Variants in TCAIM observed in about 807,000 individuals in gnomAD.
TCAIM encodes the protein T cell activation inhibitor, mitochondrial.
TCAIM carries 36 observed loss-of-function variants against 58.6 expected under a neutral mutation model. The observed-to-expected ratio is 0.61, with a 90% confidence interval of 0.47 to 0.81. The LOEUF is 0.81. Ranked by LOEUF, TCAIM falls within the 30% of genes least tolerant of loss-of-function variation. TCAIM has a pLI of 0.00. For synonymous variants in TCAIM, 172 were observed against 193.6 expected (o/e 0.89, Z 0.93); for missense variants, 466 against 579.6 (o/e 0.80, Z 2.01).
intron 8 of TCAIM, among the ~76,000 whole-genome samples, chr3:44,398,654 C>T (rs1280774574): frequency 3.3e-5 from 5 of 152,116 alleles, no homozygotes; most frequent in Non-Finnish European, 7.3e-5. Flanking sequence ...TGGTTTCTTA[C>T]AAAACTAAAC....
chr3:44,352,969 T>C (rs1423786032), intron 1 of TCAIM, among the ~76,000 whole-genome samples: 1 of 150,432 alleles, frequency 6.6e-6, no homozygotes, highest in Non-Finnish European at 1.5e-5. Flanking sequence ...TTGCCCATAC[T>C]GGAGTGCAAA....
At chr3:44,354,893 T>C in intron 2 of TCAIM, 82 bp downstream of exon 2, 1 of 1,488,822 alleles carries the variant, frequency 6.7e-7, no homozygotes, top group Non-Finnish European at 9.1e-7. Context: ...AGTTTGTTAT[T>C]ATTTTTCCAA....
At chr3:44,371,635 C>T (rs532677303) in intron 5 of TCAIM, among the ~76,000 whole-genome samples, 1 of 152,258 alleles carries the variant, frequency 6.6e-6, no homozygotes, top group African/African-American at 2.4e-5. Context: ...TGAAAGGTTT[C>T]ATATCTCTTA....
chr3:44,400,678 G>A, intron 9 of TCAIM, 91 bp downstream of exon 9: 6 of 1,100,990 alleles, frequency 5.4e-6, no homozygotes, highest in South Asian at 1.4e-5. Flanking sequence ...ATTTCAATGG[G>A]TAGTTCTTAG....
At chr3:44,368,568 T>A in intron 5 of TCAIM, among the ~76,000 whole-genome samples, 1 of 152,238 alleles carries the variant, frequency 6.6e-6, no homozygotes, top group Non-Finnish European at 1.5e-5. Flanking sequence ...TACCTACGTG[T>A]GATAGTCTAT....
At chr3:44,391,633 G>T (rs973646049) in intron 5 of TCAIM, among the ~76,000 whole-genome samples, 1 of 152,192 alleles carries the variant, frequency 6.6e-6, no homozygotes, top group Non-Finnish European at 1.5e-5. Flanking sequence ...ATTTGGTTGG[G>T]TGGAAAGGAA....
At chr3:44,403,525 T>C (rs1702054209) in intron 10 of TCAIM, among the ~76,000 whole-genome samples, 1 of 152,210 alleles carries the variant, frequency 6.6e-6, no homozygotes, top group Admixed American at 6.5e-5. Flanking sequence ...TCAAGAGCAA[T>C]TCTAGCCAAC....
chr3:44,359,167 C>A, intron 3 of TCAIM: 2 of 819,220 alleles, frequency 2.4e-6, no homozygotes, highest in Non-Finnish European at 2.9e-6. Context: ...AGGAGGATTA[C>A]TTGAGCCCAG....
chr3:44,379,890 T>A (rs978066907), intron 5 of TCAIM, among the ~76,000 whole-genome samples: 1 of 151,830 alleles, frequency 6.6e-6, no homozygotes, highest in African/African-American at 2.4e-5. Context: ...AAATTATATC[T>A]AGGGAAGAGA....
intron 5 of TCAIM, among the ~76,000 whole-genome samples, chr3:44,369,171 C>G (rs1397656793): frequency 6.6e-6 from 1 of 152,178 alleles, no homozygotes; most frequent in African/African-American, 2.4e-5. Context: ...TCTCTGAGCA[C>G]AAACTGGAAG....
At chr3:44,384,930 G>C (rs953592317) in intron 5 of TCAIM, among the ~76,000 whole-genome samples, 3 of 152,178 alleles carry the variant, frequency 2.0e-5, no homozygotes, top group Non-Finnish European at 2.9e-5. Context: ...TGATAAATGA[G>C]AAAATACTAA....
chr3:44,344,112 C>T (rs1700914462), intron 1 of TCAIM, among the ~76,000 whole-genome samples: 1 of 150,696 alleles, frequency 6.6e-6, no homozygotes, highest in South Asian at 2.1e-4. Flanking sequence ...AACTCCACCT[C>T]CCAGGCTCAA....
At position 44,392,836 on chromosome 3, in the gene TCAIM, T is replaced by C. The variant is rs1313294868; in HGVS notation, c.573-19T>C. The C allele has an allele frequency of 6.2e-7, 1 of 1,606,874 alleles. No homozygotes were observed. The highest frequency in any genetic ancestry group is 1.3e-5 in the African/African-American group (1 of 74,584). ...ATATTATAGTTAGTATTGTAAAGTA[T>C]GTATCTCTCTCTTTCTAGATCCTGG... On this transcript the variant is annotated intron_variant, in intron 5 of 10. Coordinates refer to ENST00000342649, the MANE Select transcript of TCAIM (RefSeq NM_173826.4).
intron 5 of TCAIM, among the ~76,000 whole-genome samples, chr3:44,376,814 C>T (rs913070326): frequency 2.0e-5 from 3 of 152,162 alleles, no homozygotes; most frequent in East Asian, 1.9e-4. Context: ...TTTGGCCGGG[C>T]GAGGTGGCTC....
chr3:44,356,771 G>A (rs939525548), intron 2 of TCAIM, among the ~76,000 whole-genome samples: 2 of 149,146 alleles, frequency 1.3e-5, no homozygotes, highest in Admixed American at 1.3e-4. Context: ...TTTGAGACCA[G>A]CCTGACCAAC....
chr3:44,339,144 T>C (rs1249844226), intron 1 of TCAIM, among the ~76,000 whole-genome samples: 1 of 152,210 alleles, frequency 6.6e-6, no homozygotes, highest in Non-Finnish European at 1.5e-5. Context: ...TCTAGGCTAA[T>C]GTATCTAATA....
chr3:44,382,377 A>G (rs1456662208), intron 5 of TCAIM, among the ~76,000 whole-genome samples: 2 of 152,206 alleles, frequency 1.3e-5, no homozygotes, highest in African/African-American at 2.4e-5. Flanking sequence ...GTGAGACCCC[A>G]ATCTCTATAA....
chr3:44,387,600 G>A (rs796337400), intron 5 of TCAIM, among the ~76,000 whole-genome samples: 15 of 152,352 alleles, frequency 9.8e-5, no homozygotes, highest in Admixed American at 5.2e-4. Context: ...CAGTCAGCAC[G>A]CCTGGCTGTG....
rs544913713 is a variant in TCAIM, at chr3:44,373,115, GTTTTTTTATTTTTATTTTTAAATA to G, written c.572+5414_572+5437del. 8.0e-3 allele frequency among the ~76,000 whole-genome samples: 1,212 copies of G among 151,906 alleles called. 17 individuals carry two copies. Among genetic ancestry groups the G allele is most frequent in the African/African-American group, 0.028 (1,161 of 41,440 alleles). On this transcript the variant is annotated intron_variant, in intron 5 of 10. Coordinates refer to ENST00000342649, the MANE Select transcript of TCAIM (RefSeq NM_173826.4). ...GAAATCATAAAAATAAATCAGTTGA[GTTTTTTTATTTTTATTTTTAAATA>G]TTTTTTGAGACAGGGTCTTGTTTGG...
Sources: allele counts gnomAD v4.1 joint callset (sites outside exome capture counted in the v4.1 genomes callset), GRCh38; gene constraint gnomAD v4.1.1; transcripts MANE v1.5; gene names NCBI Gene and HGNC (gene_info 2026-07-23, HGNC 2026-07-21).